AGPAT4: variants seen among roughly 807,000 people sequenced by gnomAD.
AGPAT4 encodes 1-acylglycerol-3-phosphate O-acyltransferase 4.
In AGPAT4, 15 loss-of-function variants were observed where a neutral mutation model predicts 48.0. The ratio of observed to expected loss-of-function variants is 0.31; its 90% CI spans 0.21 to 0.48. The LOEUF (loss-of-function observed/expected upper bound fraction) is 0.48, where lower values mean the gene tolerates loss of function less well. AGPAT4 is among the 20% of genes least tolerant of loss of function. The pLI is 0.99. For missense variants in AGPAT4, 314 were observed against 482.5 expected (o/e 0.65, Z 3.27); for synonymous variants, 178 against 198.7 (o/e 0.90, Z 0.88).
rs1027955306 is a variant in AGPAT4, at chr6:161,141,487, G to A, written c.844-1867C>T. ...CTCTGCCAGGGAAGCAGCGGCATTCGCCTGCCCACCAGAACGGGGTGATTT... is the reference window on the plus strand; with the variant it reads ...CTCTGCCAGGGAAGCAGCGGCATTCACCTGCCCACCAGAACGGGGTGATTT... On this transcript the variant is annotated intron_variant, in intron 7 of 8. Transcript: ENST00000320285. The surrounding 1 kb of genome is among the most constrained non-coding windows in gnomAD (Gnocchi z 6.7). 2.6e-5 allele frequency among the ~76,000 whole-genome samples: 4 copies of A among 152,102 alleles called. No homozygotes were observed. The highest frequency in any genetic ancestry group is 5.9e-5 in the Non-Finnish European group (4 of 68,024).
chr6:161,256,736 CA>C (rs1262195214), intron 1 of AGPAT4, among the ~76,000 whole-genome samples: 1 of 152,104 alleles, frequency 6.6e-6, no homozygotes, highest in East Asian at 1.9e-4. Flanking sequence ...GGTGGATTGC[CA>C]AAAGCTTCAT....
chr6:161,194,088 C>A (rs766905299), intron 2 of AGPAT4, among the ~76,000 whole-genome samples: 101 of 152,234 alleles, frequency 6.6e-4, no homozygotes, highest in Non-Finnish European at 9.8e-4. Context: ...TGTGACTAGT[C>A]CAAACTGAGA....
intron 1 of AGPAT4, among the ~76,000 whole-genome samples, chr6:161,247,981 CAAAAAAAAA>C (rs143168079): frequency 4.6e-4 from 13 of 28,214 alleles, no homozygotes; most frequent in East Asian, 2.6e-3. Context: ...GACTCTGTCT[CAAAAAAAAA>C]AAAAAAAAAA....
intron 2 of AGPAT4, among the ~76,000 whole-genome samples, chr6:161,227,345 C>T (rs1365854765): frequency 6.6e-6 from 1 of 152,202 alleles, no homozygotes; most frequent in Admixed American, 6.5e-5. Context: ...AAAATTGAGG[C>T]ACCCTTACCC....
intron 2 of AGPAT4, among the ~76,000 whole-genome samples, chr6:161,207,624 C>T (rs917149469): frequency 1.1e-4 from 17 of 152,082 alleles, no homozygotes; most frequent in South Asian, 2.1e-4. Context: ...CCTGCGGAGG[C>T]GGAGAGAGAT....
rs1783308490 is a variant in AGPAT4, at chr6:161,267,753, G to A, written c.-90+6185C>T. On this transcript the variant is annotated intron_variant, in intron 1 of 8. Coordinates refer to ENST00000320285, the MANE Select transcript of AGPAT4 (RefSeq NM_020133.3). The surrounding 1 kb of genome is among the most constrained non-coding windows in gnomAD (Gnocchi z 5.2). ...AAAAAAGAAAAGAAAAATATTAGCTGGGCATGTTAGTACACACCTGTAGTC... is the reference window on the plus strand; with the variant it reads ...AAAAAAGAAAAGAAAAATATTAGCTAGGCATGTTAGTACACACCTGTAGTC... Among the ~76,000 whole-genome samples the A allele has an allele frequency of 1.3e-5, 2 of 151,960 alleles. No individual in the cohort carries two copies. The highest frequency in any genetic ancestry group is 2.1e-4 in the South Asian group (1 of 4,810).
intron 2 of AGPAT4, among the ~76,000 whole-genome samples, chr6:161,213,838 T>G (rs1781577505): frequency 6.6e-6 from 1 of 152,164 alleles, no homozygotes; most frequent in Admixed American, 6.5e-5. Context: ...TAAGCCATCC[T>G]AGTCATGAGA....
chr6:161,204,698 C>G lies in AGPAT4; in HGVS notation c.178+27338G>C, dbSNP rs1781332719. Among the ~76,000 whole-genome samples, 1 of 151,920 alleles carries G rather than the reference C, an allele frequency of 6.6e-6. No homozygotes were observed. Among genetic ancestry groups the G allele is most frequent in the Non-Finnish European group, 1.5e-5 (1 of 68,002 alleles). On this transcript the variant is annotated intron_variant, in intron 2 of 8. Transcript: ENST00000320285. This position sits in a 1 kb window ranked among gnomAD's most constrained non-coding sequence, Gnocchi z 4.4. ...AGCAGCTGTTAAAAAAAAATGTTCCCTAAATTCACAGAATATGAGTGCTAC... is the reference window on the plus strand; with the variant it reads ...AGCAGCTGTTAAAAAAAAATGTTCCGTAAATTCACAGAATATGAGTGCTAC...
At chr6:161,186,120 G>A (rs1780760927) in intron 2 of AGPAT4, among the ~76,000 whole-genome samples, 1 of 152,068 alleles carries the variant, frequency 6.6e-6, no homozygotes, top group Admixed American at 6.5e-5. Context: ...AAGCCACTGA[G>A]GTTGGACCTT....
At position 161,236,471 on chromosome 6, in the gene AGPAT4, C is replaced by G. The variant is rs548772759; in HGVS notation, c.-89-4169G>C. On this transcript the variant is annotated intron_variant, in intron 1 of 8. Transcript: ENST00000320285. The surrounding 1 kb of genome is among the most constrained non-coding windows in gnomAD (Gnocchi z 5.0). ...ATTCACCCCATGACCTTGAGACACC[C>G]TAGGGATGGGAGTGCAGGAGGCCAA... 1.3e-5 allele frequency among the ~76,000 whole-genome samples: 2 copies of G among 152,210 alleles called. No individual in the cohort carries two copies. Among genetic ancestry groups the G allele is most frequent in the Admixed American group, 1.3e-4 (2 of 15,290 alleles).
At position 161,261,339 on chromosome 6, in the gene AGPAT4, T is replaced by C. The variant is rs1222368041; in HGVS notation, c.-90+12599A>G. ...GCCACATGACGTTGACAAGTGCTATTTCCCTTCGTGTGTATATCTGCCATC... is the reference window on the plus strand; with the variant it reads ...GCCACATGACGTTGACAAGTGCTATCTCCCTTCGTGTGTATATCTGCCATC... On this transcript the variant is annotated intron_variant, in intron 1 of 8. Coordinates refer to ENST00000320285, the MANE Select transcript of AGPAT4 (RefSeq NM_020133.3). The surrounding 1 kb of genome is among the most constrained non-coding windows in gnomAD (Gnocchi z 5.3). Among the ~76,000 whole-genome samples the C allele has an allele frequency of 1.3e-5, 2 of 152,164 alleles. No homozygotes were observed. The highest frequency in any genetic ancestry group is 4.8e-5 in the African/African-American group (2 of 41,450).
rs1782439799 is a variant in AGPAT4 at position 161,240,105 on chromosome 6, T to C, written c.-89-7803A>G. Among the ~76,000 whole-genome samples, 1 of 152,058 alleles carries C rather than the reference T, an allele frequency of 6.6e-6. No individual in the cohort carries two copies. The highest frequency in any genetic ancestry group is 2.4e-5 in the African/African-American group (1 of 41,388). ...TGCAGTAAAATGGATACATTTTCAT[T>C]ATGATATTAAGTGACAGGATACAAA... On this transcript the variant is annotated intron_variant, in intron 1 of 8. Transcript: ENST00000320285. The surrounding 1 kb of genome is among the most constrained non-coding windows in gnomAD (Gnocchi z 5.5).
chr6:161,153,552 T>C lies in AGPAT4; in HGVS notation c.511-53A>G, dbSNP rs1331954812. 3.0e-5 allele frequency: 47 copies of C among 1,591,288 alleles called. No individual in the cohort carries two copies. The Middle Eastern group carries it at 6.7e-4, about 23-fold the overall frequency. ...GCAGCCTCGGGGTCACACACAGCCC[T>C]GGGGTCATGCATGGCCCTGGGGTCA... On this transcript the variant is annotated intron_variant, in intron 4 of 8. Transcript: ENST00000320285.
rs1164664993 is a variant in AGPAT4, at chr6:161,255,674, A to G, written c.-90+18264T>C. ...TATATGAAAGGTTCGGACTAGGCCA[A>G]TGCATGGAGACAGAAAGTGAACTTG... On this transcript the variant is annotated intron_variant, in intron 1 of 8. Coordinates refer to ENST00000320285, the MANE Select transcript of AGPAT4 (RefSeq NM_020133.3). This position sits in a 1 kb window ranked among gnomAD's most constrained non-coding sequence, Gnocchi z 4.7. Among the ~76,000 whole-genome samples the G allele has an allele frequency of 6.6e-6, 1 of 151,982 alleles. No individual in the cohort carries two copies. Among genetic ancestry groups the G allele is most frequent in the Non-Finnish European group, 1.5e-5 (1 of 67,992 alleles).
chr6:161,209,642 G>A lies in AGPAT4; in HGVS notation c.178+22394C>T, dbSNP rs948330756. ...CATGTCAGACCCGAACAGGCTCCTC[G>A]AGGGTCAGACAGGCAAAGCCTTCGA... On this transcript the variant is annotated intron_variant, in intron 2 of 8. Coordinates refer to ENST00000320285, the MANE Select transcript of AGPAT4 (RefSeq NM_020133.3). Among the ~76,000 whole-genome samples the A allele has an allele frequency of 1.1e-3, 172 of 152,132 alleles. 3 individuals carry two copies. Among genetic ancestry groups the A allele is most frequent in the Non-Finnish European group, 3.5e-4 (24 of 68,032 alleles).
In AGPAT4 at chr6:161,236,083, C is replaced by T. The variant is rs564004840; in HGVS notation, c.-89-3781G>A. ...TTTTAAAAATACTTTGCCTAGTTCC[C>T]TTTTAGCTTTGCAAGTACCTAGAAT... On this transcript the variant is annotated intron_variant, in intron 1 of 8. Coordinates refer to ENST00000320285, the MANE Select transcript of AGPAT4 (RefSeq NM_020133.3). The surrounding 1 kb of genome is among the most constrained non-coding windows in gnomAD (Gnocchi z 5.0). 6.6e-6 allele frequency among the ~76,000 whole-genome samples: 1 copy of T among 152,290 alleles called. No homozygotes were observed. Among genetic ancestry groups the T allele is most frequent in the African/African-American group, 2.4e-5 (1 of 41,556 alleles).
chr6:161,144,820 C>T lies in AGPAT4; in HGVS notation c.843+1704G>A, dbSNP rs1779366427. The stretch of plus-strand genomic sequence containing the variant: ...ACGGTGAAACCCCGTCTCTACTAAA[C>T]ATACAAAAAAATTAGCCGGGCATGG... On this transcript the variant is annotated intron_variant, in intron 7 of 8. Transcript: ENST00000320285. This position sits in a 1 kb window ranked among gnomAD's most constrained non-coding sequence, Gnocchi z 6.6. Among the ~76,000 whole-genome samples the T allele has an allele frequency of 6.6e-6, 1 of 151,882 alleles. No individual in the cohort carries two copies. Among genetic ancestry groups the T allele is most frequent in the South Asian group, 2.1e-4 (1 of 4,816 alleles).
chr6:161,150,512 G>A (rs911652506), intron 5 of AGPAT4, among the ~76,000 whole-genome samples: 2 of 152,220 alleles, frequency 1.3e-5, no homozygotes, highest in African/African-American at 4.8e-5. Flanking sequence ...AAAGGCCCTT[G>A]GTCTGGTTGG....
chr6:161,176,219 T>C (rs1780422489), intron 2 of AGPAT4, among the ~76,000 whole-genome samples: 1 of 152,204 alleles, frequency 6.6e-6, no homozygotes, highest in African/African-American at 2.4e-5. Flanking sequence ...TTGATCTGTC[T>C]AATGTTGACA....
Sources: gnomAD v4.1 joint callset for allele counts (sites outside exome capture counted in the v4.1 genomes callset) on GRCh38, gnomAD v4.1.1 for gene constraint, Gnocchi (gnomAD v3.1) non-coding constraint, MANE v1.5 for transcripts, NCBI Gene and HGNC (gene_info 2026-07-23, HGNC 2026-07-21) for gene names.